CHRNA5: variants seen among roughly 807,000 people sequenced by gnomAD.
CHRNA5 encodes neuronal acetylcholine receptor subunit alpha-5.
Under a neutral mutation model 41.2 loss-of-function variants are expected in CHRNA5, and 28 were observed. The observed-to-expected ratio is 0.68, with a 90% CI of 0.50 to 0.93. The LOEUF (loss-of-function observed/expected upper bound fraction) is 0.93, where lower values mean the gene tolerates loss of function less well. CHRNA5 is among the 40% of genes least tolerant of loss of function. The pLI, the probability that CHRNA5 is intolerant of heterozygous loss-of-function variation, is 0.00. For missense variants in CHRNA5, 481 were observed against 581.9 expected (o/e 0.83, Z 1.78); for synonymous variants, 188 against 205.8 (o/e 0.91, Z 0.74).
At chr15:78,579,460 G>T (rs901618396) in intron 1 of CHRNA5, among the ~76,000 whole-genome samples, 1 of 152,072 alleles carries the variant, frequency 6.6e-6, no homozygotes, top group African/African-American at 2.4e-5. Context: ...CACCATGTTG[G>T]CCAGGTTCGT....
intron 2 of CHRNA5, among the ~76,000 whole-genome samples, chr15:78,585,221 A>G (rs481134): frequency 0.65 from 98,214 of 151,986 alleles, 32,195 homozygotes; most frequent in East Asian, 0.82. Flanking sequence ...AGCCAGCTCT[A>G]GTGTTTTAAT....
exon 3 of CHRNA5, chr15:78,586,676 T>A: frequency 6.2e-7 from 1 of 1,604,026 alleles, no homozygotes; most frequent in Non-Finnish European, 8.5e-7. Flanking sequence ...ACAACAAACG[T>A]CTGGTTGAAA....
chr15:78,592,445 C>G (rs939125062), intron 5 of CHRNA5, among the ~76,000 whole-genome samples: 2 of 152,186 alleles, frequency 1.3e-5, no homozygotes, highest in Non-Finnish European at 1.5e-5. Context: ...GCCAGGGAAG[C>G]CCCTGGTCAA....
At chr15:78,586,474 G>A (rs1418459884) in intron 2 of CHRNA5, among the ~76,000 whole-genome samples, 171 bp from the exon 3 acceptor site, 2 of 152,212 alleles carry the variant, frequency 1.3e-5, no homozygotes, top group Admixed American at 6.5e-5. Context: ...AAGGAGTAAT[G>A]TGAAATTAGG....
chr15:78,569,435 T>G (rs1226363440), intron 1 of CHRNA5, among the ~76,000 whole-genome samples: 1 of 150,220 alleles, frequency 6.7e-6, no homozygotes, highest in Non-Finnish European at 1.5e-5. Flanking sequence ...TATTGGAATT[T>G]TTTTTTTTTT....
chr15:78,590,455 T>C (rs201995384), exon 5 of CHRNA5: 321 of 1,614,096 alleles, frequency 2.0e-4, no homozygotes, highest in Admixed American at 3.2e-4. Flanking sequence ...GTCCGCAAGA[T>C]ATTTCTTCAC....
exon 6 of CHRNA5, chr15:78,595,149 G>C (rs1033651743): frequency 7.4e-6 from 2 of 268,640 alleles, no homozygotes; most frequent in Non-Finnish European, 1.1e-5. Context: ...ATGAGTGAAA[G>C]CCTGGTGTGA....
intron 5 of CHRNA5, chr15:78,590,928 A>C: frequency 2.9e-6 from 1 of 345,194 alleles, no homozygotes; most frequent in Non-Finnish European, 5.3e-6. Flanking sequence ...ATCCTGCCAT[A>C]TTTCTTGGCT....
chr15:78,572,037 G>A (rs371231300), intron 1 of CHRNA5, among the ~76,000 whole-genome samples: 4 of 152,178 alleles, frequency 2.6e-5, no homozygotes, highest in East Asian at 3.9e-4. Context: ...AAAGATGCAA[G>A]GAGACTTCAG....
Position 78,571,802 on chromosome 15 carries a change from G to C in CHRNA5, c.106+5977G>C, listed in dbSNP as rs55758640. 2.6e-3 allele frequency among the ~76,000 whole-genome samples: 402 copies of C among 151,838 alleles called. 20 individuals are homozygous for C. In the East Asian group the frequency reaches 0.067, roughly 25 times the overall value. On this transcript the variant is annotated intron_variant, in intron 1 of 5. Coordinates refer to ENST00000299565, the Ensembl canonical transcript of CHRNA5. ...TAAAATATAATGAAAATCCTGGAGC[G>C]AAAAAAATCCCTCTATATTTTATCT...
chr15:78,580,975 A>G lies in CHRNA5; in HGVS notation c.258+13A>G. ...ATTGGTGGATGTGGTAGGTGTGCAT[A>G]TCCTTCTATAGTCAATTTCCCACAG... On this transcript the variant is annotated intron_variant, in intron 2 of 5. Coordinates refer to ENST00000299565, the Ensembl canonical transcript of CHRNA5. The G allele has an allele frequency of 1.9e-6, 3 of 1,609,030 alleles. No individual in the cohort carries two copies. The highest frequency in any genetic ancestry group is 2.5e-6 in the Non-Finnish European group (3 of 1,178,966).
Position 78,565,799 on chromosome 15 carries a change from C to T in CHRNA5, c.80C>T (p.Ala27Val), listed in dbSNP as rs1393430909. ...CTGGTCGCGGGGCGCTGCGGTCTAG[C>T]GGGCGCGGCGGGCGGCGCGCAGAGA... The change falls in exon 1 of 6, where the codon GCG becomes GTG. Residue 27 changes from alanine to valine, a missense_variant. Ala to Val is a moderately conservative substitution (Grantham distance 64). Coordinates refer to ENST00000299565, the Ensembl canonical transcript of CHRNA5. The T allele has an allele frequency of 8.8e-5, 107 of 1,222,062 alleles. 1 individual carries two copies. In the Middle Eastern group the frequency reaches 9.5e-4, roughly 11 times the overall value. 75.7% of individuals were successfully genotyped at this position (1,222,062 alleles called of 1,614,324 possible).
At chr15:78,589,189 A>G (rs149185131) in intron 4 of CHRNA5, 1 of 152,352 alleles carries the variant, frequency 6.6e-6, no homozygotes, top group African/African-American at 2.4e-5. Flanking sequence ...ACATGGATAT[A>G]TTACAGAATA....
intron 1 of CHRNA5, among the ~76,000 whole-genome samples, chr15:78,580,069 C>G (rs1478005751): frequency 1.3e-5 from 2 of 151,886 alleles, no homozygotes; most frequent in Non-Finnish European, 2.9e-5. Context: ...TGCTGAAGGT[C>G]AGAAGTTCAA....
At chr15:78,583,930 C>T (rs1163569681) in intron 2 of CHRNA5, among the ~76,000 whole-genome samples, 1 of 152,054 alleles carries the variant, frequency 6.6e-6, no homozygotes, top group South Asian at 2.1e-4. Context: ...TTTGCCCTTG[C>T]CTCTCACCTC....
intron 1 of CHRNA5, among the ~76,000 whole-genome samples, chr15:78,568,456 A>G (rs1292333677): frequency 7.2e-6 from 1 of 137,932 alleles, no homozygotes; most frequent in African/African-American, 2.6e-5. Flanking sequence ...GTGACATTTT[A>G]TTTTTTTAAT....
intron 1 of CHRNA5, among the ~76,000 whole-genome samples, chr15:78,572,423 G>A (rs567252328): frequency 6.6e-6 from 1 of 152,302 alleles, no homozygotes; most frequent in East Asian, 1.9e-4. Context: ...GCTTGTGAAG[G>A]AAGACTGGAG....
intron 1 of CHRNA5, among the ~76,000 whole-genome samples, chr15:78,575,845 G>A (rs1350101484): frequency 3.9e-5 from 6 of 152,178 alleles, no homozygotes; most frequent in Non-Finnish European, 8.8e-5. Flanking sequence ...CCTATTAGGT[G>A]TGAAGTGCTG....
At chr15:78,587,468 T>G (rs2052971206) in intron 3 of CHRNA5, among the ~76,000 whole-genome samples, 1 of 6,622 alleles carries the variant, frequency 1.5e-4, no homozygotes, top group Non-Finnish European at 6.6e-3. Flanking sequence ...TGCAAAGGTT[T>G]CTGAGCTGGT....
Sources: allele counts gnomAD v4.1 joint callset (sites outside exome capture counted in the v4.1 genomes callset), GRCh38; gene constraint gnomAD v4.1.1; transcripts MANE v1.5; gene names NCBI Gene and HGNC (gene_info 2026-07-23, HGNC 2026-07-21).